KCNQ2: variants seen among roughly 807,000 people sequenced by gnomAD.
KCNQ2 encodes the protein potassium voltage-gated channel subfamily Q member 2.
Under a neutral mutation model 84.8 loss-of-function variants are expected in KCNQ2, and 14 were observed. The observed-to-expected ratio is 0.17, with a 90% CI of 0.11 to 0.26. The LOEUF (loss-of-function observed/expected upper bound fraction) is 0.26. Ranked by LOEUF, KCNQ2 falls within the 10% of genes least tolerant of loss-of-function variation. KCNQ2 has a pLI of 1.00. For missense variants in KCNQ2, 788 were observed against 1,254.0 expected, an observed-to-expected ratio of 0.63 and a Z score of 5.61; for synonymous variants, 599 against 554.1, an observed-to-expected ratio of 1.08 and a Z score of -1.14.
intron 1 of KCNQ2, among the ~76,000 whole-genome samples, chr20:63,452,111 C>T (rs558021634): frequency 6.6e-6 from 1 of 152,244 alleles, no homozygotes; most frequent in African/African-American, 2.4e-5. Flanking sequence ...CAGGCAGCGG[C>T]GGCAGAAACT....
At chr20:63,441,255 A>C (rs2081153871) in intron 5 of KCNQ2, among the ~76,000 whole-genome samples, 1 of 149,926 alleles carries the variant, frequency 6.7e-6, no homozygotes, top group Non-Finnish European at 1.5e-5. Context: ...AAGAAAGGGA[A>C]ACTGGGGGTA....
At chr20:63,442,123 C>T in intron 5 of KCNQ2, among the ~76,000 whole-genome samples, 1 of 151,938 alleles carries the variant, frequency 6.6e-6, no homozygotes, top group East Asian at 1.9e-4. Flanking sequence ...TGGAGGGTCA[C>T]TCAGGAGGAA....
intron 1 of KCNQ2, among the ~76,000 whole-genome samples, chr20:63,462,461 C>T (rs2081982627): frequency 6.6e-6 from 1 of 152,142 alleles, no homozygotes; most frequent in South Asian, 2.1e-4. Context: ...GGCATCTGCC[C>T]CCACATCAAC....
chr20:63,439,875 C>T (rs920770980), intron 5 of KCNQ2, 167 bp from the exon 6 acceptor site: 14 of 674,778 alleles, frequency 2.1e-5, no homozygotes, highest in Non-Finnish European at 3.5e-5. Context: ...TCGGCCGCCC[C>T]TCATCCCCTG....
At position 63,414,070 on chromosome 20, in the gene KCNQ2, G is replaced by A. The variant is rs773276077; in HGVS notation, c.1631+18C>T. ...CCCTCCTCACTCCCCCAGGCTCCCG[G>A]CTGGGCAGGGGCCTCACCACACGGC... On this transcript the variant is annotated intron_variant, in intron 14 of 16. Transcript: ENST00000359125. This position sits in a 1 kb window ranked among gnomAD's most constrained non-coding sequence, Gnocchi z 6.6. 120 of 1,592,710 alleles carry A rather than the reference G, an allele frequency of 7.5e-5. No individual in the cohort carries two copies. Among genetic ancestry groups the A allele is most frequent in the Non-Finnish European group, 9.6e-5 (112 of 1,161,510 alleles).
At chr20:63,416,798 A>G (rs1368617153) in intron 12 of KCNQ2, among the ~76,000 whole-genome samples, 1 of 151,862 alleles carries the variant, frequency 6.6e-6, no homozygotes, top group Admixed American at 6.6e-5. Context: ...AGCCACAGAC[A>G]TGAGAGCCCA....
intron 11 of KCNQ2, chr20:63,423,847 C>A (rs3787120): frequency 0.097 from 40,718 of 421,244 alleles, 5,509 homozygotes; most frequent in East Asian, 0.53. Flanking sequence ...CTGGAGGGAG[C>A]GCACTAACAG....
intron 3 of KCNQ2, 121 bp downstream of exon 3, chr20:63,445,117 G>T: frequency 7.4e-7 from 1 of 1,355,472 alleles, no homozygotes; most frequent in Non-Finnish European, 1.0e-6. Flanking sequence ...GAAACTTCCA[G>T]AAGGAGCCAG....
intron 10 of KCNQ2, among the ~76,000 whole-genome samples, chr20:63,427,433 G>A (rs910230748): frequency 6.6e-6 from 1 of 152,250 alleles, no homozygotes; most frequent in Non-Finnish European, 1.5e-5. Flanking sequence ...ATTAAAGTCT[G>A]GATTCATGTG....
chr20:63,415,165 G>A (rs771651203), intron 12 of KCNQ2, 39 bp from the exon 13 acceptor site: 4 of 636,160 alleles, frequency 6.3e-6, no homozygotes, highest in Non-Finnish European at 9.5e-6. Context: ...AGAAAAACAG[G>A]GAGAGAAGTC....
intron 11 of KCNQ2, chr20:63,423,922 C>T (rs975625641): frequency 1.7e-5 from 9 of 536,434 alleles, no homozygotes; most frequent in East Asian, 6.4e-5. Flanking sequence ...CCCCCACCCC[C>T]GAGAAGCCGC....
At chr20:63,465,374 C>T (rs956297390) in intron 1 of KCNQ2, among the ~76,000 whole-genome samples, 13 of 152,214 alleles carry the variant, frequency 8.5e-5, no homozygotes, top group African/African-American at 2.9e-4. Flanking sequence ...AGGGCCCACC[C>T]GCCTTGTGCT....
chr20:63,442,944 TCACCATCATCACCATCAC>T (rs2081254356), intron 4 of KCNQ2, among the ~76,000 whole-genome samples: 1 of 46,866 alleles, frequency 2.1e-5, no homozygotes, highest in Admixed American at 2.2e-4. Flanking sequence ...ACCACCACCA[TCACCATCATCACCATCAC>T]CACCACCACC....
chr20:63,408,506 C>T lies in KCNQ2; in HGVS notation c.1794G>A (p.Ala598=), dbSNP rs779158152. The T allele has an allele frequency of 5.0e-6, 8 of 1,609,752 alleles. No individual in the cohort carries two copies. The highest frequency in any genetic ancestry group is 4.4e-5 in the South Asian group (4 of 90,488). ...CCTTGGTGCGGTCCTTGTCCGTGAT[C>T]GCTGGGCCCCGCCCCACGATCTGGT... ...RVDQIVGRGP[A]ITDKDRTKGP... Residue 598 remains alanine (A), a synonymous_variant, in exon 16 of 17, where the codon GCG becomes GCA. Transcript: ENST00000359125. This position sits in a 1 kb window ranked among gnomAD's most constrained non-coding sequence, Gnocchi z 5.0.
At chr20:63,456,623 C>G (rs945795145) in intron 1 of KCNQ2, among the ~76,000 whole-genome samples, 2 of 152,192 alleles carry the variant, frequency 1.3e-5, no homozygotes, top group African/African-American at 4.8e-5. Flanking sequence ...ACGGGCTAAG[C>G]TTCTCAGCAC....
At position 63,414,309 on chromosome 20, in the gene KCNQ2, G is replaced by A. The variant is rs954692648; in HGVS notation, c.1526-116C>T. The A allele has an allele frequency of 2.7e-6, 2 of 737,834 alleles. No homozygotes were observed. Among genetic ancestry groups the A allele is most frequent in the African/African-American group, 3.5e-5 (2 of 57,066 alleles). 45.7% of individuals were successfully genotyped at this position (737,834 alleles called of 1,614,324 possible). A position where few individuals can be genotyped will look rare whatever the true frequency, so the allele number is the denominator to read the frequency against. ...CAGGGAGCCCCTCGAGGCTCCCTGT[G>A]GTGCCCCTCGGGTGCACCTGCTTTT... On this transcript the variant is annotated intron_variant, in intron 13 of 16. Coordinates refer to ENST00000359125, the MANE Select transcript of KCNQ2 (RefSeq NM_172107.4). This position sits in a 1 kb window ranked among gnomAD's most constrained non-coding sequence, Gnocchi z 6.6.
rs574928032 is a variant in KCNQ2, at chr20:63,417,353, A to C, written c.1302-2227T>G. On this transcript the variant is annotated intron_variant, in intron 12 of 16. Transcript: ENST00000359125. ...AGGCCCCTCCTGACCCCGCTCAGGC[A>C]GGCCTCAGGGCAAGTGGGAGTCACT... is the stretch of plus-strand genomic sequence containing the variant. 2.0e-5 allele frequency among the ~76,000 whole-genome samples: 3 copies of C among 152,352 alleles called. No homozygotes were observed. In the East Asian group the frequency reaches 5.8e-4, roughly 29 times the overall value.
In KCNQ2 at chr20:63,442,679, ACC is replaced by A; in HGVS notation, c.691-150_691-149del. 3.4e-6 allele frequency: 2 copies of A among 593,376 alleles called. 1 individual carries two copies. 36.8% of individuals were successfully genotyped at this position (593,376 alleles called of 1,614,324 possible). ...CACCACCATCACCACCACCACCACC[ACC>A]ACCATCACCATCACCACCATCACCA... is the stretch of plus-strand genomic sequence containing the variant. On this transcript the variant is annotated intron_variant, in intron 4 of 16. Coordinates refer to ENST00000359125, the MANE Select transcript of KCNQ2 (RefSeq NM_172107.4).
chr20:63,461,286 G>A (rs2081940208), intron 1 of KCNQ2, among the ~76,000 whole-genome samples: 1 of 152,198 alleles, frequency 6.6e-6, no homozygotes, highest in Non-Finnish European at 1.5e-5. Context: ...TCAGCTCTTG[G>A]CTAATTAAAT....
Sources: allele counts gnomAD v4.1 joint callset (sites outside exome capture counted in the v4.1 genomes callset), GRCh38; gene constraint gnomAD v4.1.1; non-coding constraint Gnocchi (gnomAD v3.1); transcripts MANE v1.5; gene names NCBI Gene and HGNC (gene_info 2026-07-23, HGNC 2026-07-21).